UBE2K: variants seen among roughly 807,000 people sequenced by gnomAD.
The protein encoded by UBE2K is ubiquitin conjugating enzyme E2 K.
A neutral mutation model predicts 30.0 loss-of-function variants in UBE2K; 6 were observed. That is an observed-to-expected ratio of 0.20 (90% CI 0.11 to 0.39). UBE2K has a LOEUF of 0.39. Among genes scored for constraint, UBE2K ranks in the 10% least tolerant of loss-of-function variants. The pLI is 1.00. For synonymous variants in UBE2K, 86 were observed against 83.7 expected (o/e 1.03, Z -0.15); for missense variants, 61 against 241.6 (o/e 0.25, Z 4.96).
intron 3 of UBE2K, among the ~76,000 whole-genome samples, chr4:39,750,204 A>G (rs1459637048): frequency 6.6e-6 from 1 of 152,150 alleles, no homozygotes; most frequent in Non-Finnish European, 1.5e-5. Context: ...AAAAAAAACA[A>G]AAACAAAAAA....
intron 4 of UBE2K, among the ~76,000 whole-genome samples, chr4:39,768,556 GC>G (rs762384221): frequency 7.9e-5 from 12 of 152,072 alleles, no homozygotes; most frequent in Admixed American, 2.6e-4. Flanking sequence ...AGAATATTGT[GC>G]ATTTAAAAGA....
rs36215155 is a variant in UBE2K, at chr4:39,778,097, CAAAAA to C, written c.529-241_529-237del. Among the ~76,000 whole-genome samples the C allele has an allele frequency of 4.4e-4, 23 of 51,750 alleles. No homozygotes were observed. In the East Asian group the frequency reaches 9.5e-3, roughly 21 times the overall value. The allele number at this position is 51,750 out of a possible 152,430, so 34.0% of individuals were successfully genotyped here. ...TTGGTGATAGAGCAAGACCCTGTCT[CAAAAA>C]AAAAAAAAAAAAAAAAAAAAAGGAA... On this transcript the variant is annotated intron_variant, in intron 6 of 6. Transcript: ENST00000261427.
At chr4:39,701,378 G>A in intron 1 of UBE2K, among the ~76,000 whole-genome samples, 1 of 152,092 alleles carries the variant, frequency 6.6e-6, no homozygotes, top group South Asian at 2.1e-4. Flanking sequence ...ATTAGTTATT[G>A]CTGCTGTTAA....
chr4:39,733,952 T>C (rs1415944802), intron 1 of UBE2K, among the ~76,000 whole-genome samples: 1 of 152,096 alleles, frequency 6.6e-6, no homozygotes, highest in African/African-American at 2.4e-5. Context: ...TTTTAGATTG[T>C]GAAATAACTG....
At chr4:39,762,936 CTTTTTTTTTTTTT>C (rs869207095) in intron 4 of UBE2K, among the ~76,000 whole-genome samples, 1,584 of 78,800 alleles carry the variant, frequency 0.02, 25 homozygotes, top group Non-Finnish European at 0.03. Context: ...CCAAAAAACA[CTTTTTTTTTTTTT>C]TTTTTTTTTT....
chr4:39,757,605 G>A (rs1429812552), intron 4 of UBE2K, among the ~76,000 whole-genome samples: 1 of 152,040 alleles, frequency 6.6e-6, no homozygotes, highest in Non-Finnish European at 1.5e-5. Context: ...ACATAAAGCA[G>A]TGTGGAATAG....
At position 39,727,740 on chromosome 4, in the gene UBE2K, A is replaced by G. The variant is rs182618968; in HGVS notation, c.64-9680A>G. 8.0e-3 allele frequency among the ~76,000 whole-genome samples: 1,213 copies of G among 151,948 alleles called. 12 individuals are homozygous for G. The highest frequency in any genetic ancestry group is 0.028 in the African/African-American group (1,162 of 41,274). On this transcript the variant is annotated intron_variant, in intron 1 of 6. Coordinates refer to ENST00000261427, the MANE Select transcript of UBE2K (RefSeq NM_005339.5). ...AGTATATAAATTCTAAAAGTTGAGT[A>G]AGTGTATAATAAAAACTGAGTGATA...
At chr4:39,763,076 G>A (rs1480576848) in intron 4 of UBE2K, among the ~76,000 whole-genome samples, 1 of 147,204 alleles carries the variant, frequency 6.8e-6, no homozygotes, top group African/African-American at 2.5e-5. Context: ...CTGAGTAGCT[G>A]GGATTACAGG....
intron 4 of UBE2K, chr4:39,771,320 C>A: frequency 6.2e-6 from 10 of 1,612,114 alleles, no homozygotes; most frequent in Non-Finnish European, 7.6e-6. Context: ...TTGAGGCTGT[C>A]GGCCACAATG....
chr4:39,762,974 G>A (rs1488700453), intron 4 of UBE2K, among the ~76,000 whole-genome samples: 3 of 107,248 alleles, frequency 2.8e-5, no homozygotes, highest in African/African-American at 3.6e-5. Flanking sequence ...GGAGACTGTC[G>A]CCCAAGCTGG....
Position 39,749,157 on chromosome 4 carries a change from T to C in UBE2K, c.216+3347T>C, listed in dbSNP as rs1309557778. 2.6e-5 allele frequency among the ~76,000 whole-genome samples: 4 copies of C among 152,326 alleles called. No homozygotes were observed. The South Asian group carries it at 8.3e-4, about 32-fold the overall frequency. On this transcript the variant is annotated intron_variant, in intron 3 of 6. Transcript: ENST00000261427. ...TGTCTTACCATGGTCACAGAATGTT[T>C]TGTGTTTATTATTATGCAATAAATT...
At position 39,774,961 on chromosome 4, in the gene UBE2K, C is replaced by T. The variant is rs1304214083; in HGVS notation, c.399+28C>T. Reference sequence around the variant, plus strand: ...AAGATGGCCGCTTTTGAAAGACTTTCTTATATTATGTATGAGTCTCTAGCC... The same window carrying T: ...AAGATGGCCGCTTTTGAAAGACTTTTTTATATTATGTATGAGTCTCTAGCC... On this transcript the variant is annotated intron_variant, in intron 5 of 6. Coordinates refer to ENST00000261427, the MANE Select transcript of UBE2K (RefSeq NM_005339.5). 16 of 1,512,062 alleles carry T rather than the reference C, an allele frequency of 1.1e-5. No individual in the cohort carries two copies. In the Admixed American group the frequency reaches 2.4e-4, roughly 22 times the overall value. 93.7% of individuals were successfully genotyped at this position (1,512,062 alleles called of 1,614,324 possible).
intron 1 of UBE2K, among the ~76,000 whole-genome samples, chr4:39,724,536 C>G (rs1206699448): frequency 1.6e-5 from 2 of 124,578 alleles, no homozygotes; most frequent in East Asian, 4.7e-4. Flanking sequence ...TGCCTGAGTT[C>G]AGGAGTTCAA....
chr4:39,756,393 A>C (rs2109376410), intron 4 of UBE2K, among the ~76,000 whole-genome samples: 1 of 152,308 alleles, frequency 6.6e-6, no homozygotes, highest in Non-Finnish European at 1.5e-5. Context: ...CACTTCATAG[A>C]GCTCAGAGGA....
At chr4:39,746,389 C>G (rs533912660) in intron 3 of UBE2K, among the ~76,000 whole-genome samples, 4 of 152,280 alleles carry the variant, frequency 2.6e-5, no homozygotes, top group Admixed American at 6.5e-5. Context: ...GATTGAACCA[C>G]TTTCTTTATG....
At position 39,771,477 on chromosome 4, in the gene UBE2K, G is replaced by GC. The variant is rs1553880684; in HGVS notation, c.300-3357_300-3356insC. 1.1e-5 allele frequency: 17 copies of GC among 1,486,920 alleles called. 1 individual carries two copies. Among genetic ancestry groups the GC allele is most frequent in the Non-Finnish European group, 7.2e-6 (8 of 1,115,222 alleles). 92.1% of individuals were successfully genotyped at this position (1,486,920 alleles called of 1,614,324 possible). On this transcript the variant is annotated intron_variant, in intron 4 of 6. Coordinates refer to ENST00000261427, the MANE Select transcript of UBE2K (RefSeq NM_005339.5). The stretch of plus-strand genomic sequence containing the variant: ...CAACCCTGGCCCGGTTCCGCGCGCT[G>GC]TTTTTTTTTAATCCCCTATTTTCCC...
At chr4:39,749,650 G>T (rs1721153565) in intron 3 of UBE2K, among the ~76,000 whole-genome samples, 1 of 152,048 alleles carries the variant, frequency 6.6e-6, no homozygotes, top group Non-Finnish European at 1.5e-5. Context: ...CTGCACTGCA[G>T]CCTGGACAAG....
intron 4 of UBE2K, among the ~76,000 whole-genome samples, chr4:39,773,051 T>C (rs932913379): frequency 1.3e-5 from 2 of 152,174 alleles, no homozygotes; most frequent in African/African-American, 2.4e-5. Context: ...TACTATTTTT[T>C]AGACAAATAT....
At chr4:39,718,580 C>T (rs1316063571) in intron 1 of UBE2K, among the ~76,000 whole-genome samples, 2 of 152,242 alleles carry the variant, frequency 1.3e-5, no homozygotes, top group African/African-American at 2.4e-5. Flanking sequence ...GCTCAGGCCA[C>T]GCAGGAGCCC....
Sources: allele counts gnomAD v4.1 joint callset (sites outside exome capture counted in the v4.1 genomes callset), GRCh38; gene constraint gnomAD v4.1.1; transcripts MANE v1.5; gene names NCBI Gene and HGNC (gene_info 2026-07-23, HGNC 2026-07-21).